Variants in HIVEP1 observed in about 807,000 individuals in gnomAD.
HIVEP1 encodes zinc finger protein 40.
In HIVEP1, 36 loss-of-function variants were observed where a neutral mutation model predicts 180.0. That is an observed-to-expected ratio of 0.20 (90% confidence interval 0.15 to 0.26). The LOEUF is 0.26. Among genes scored for constraint, HIVEP1 ranks in the 10% least tolerant of loss-of-function variants. HIVEP1 has a pLI of 1.00. For missense variants in HIVEP1, 3,143 were observed against 3,268.7 expected (o/e 0.96, Z 0.94); for synonymous variants, 1,239 against 1,239.0 (o/e 1.00, Z 0.00).
intron 3 of HIVEP1, among the ~76,000 whole-genome samples, chr6:12,113,844 T>C (rs1387106557): frequency 6.6e-6 from 1 of 152,206 alleles, no homozygotes; most frequent in Non-Finnish European, 1.5e-5. Flanking sequence ...CCACGAAACT[T>C]CTCCCAGGCA....
At chr6:12,096,567 T>G (rs1349808210) in intron 3 of HIVEP1, among the ~76,000 whole-genome samples, 1 of 151,760 alleles carries the variant, frequency 6.6e-6, no homozygotes, top group African/African-American at 2.4e-5. Context: ...TAAAAAAATA[T>G]AATAATATTT....
In HIVEP1 at chr6:12,039,996, C is replaced by T. The variant is rs553145623; in HGVS notation, c.40+24328C>T. On this transcript the variant is annotated intron_variant, in intron 2 of 8. Transcript: ENST00000379388. ...AGCAGTGGAGTCCCCAACTGTGGGG[C>T]GAGGATTCTGATGCTGGGCGGTCGA... Among the ~76,000 whole-genome samples, 8 of 152,210 alleles carry T rather than the reference C, an allele frequency of 5.3e-5. No homozygotes were observed. The South Asian group carries it at 6.2e-4, about 12-fold the overall frequency.
At chr6:12,033,075 C>A (rs1769059428) in intron 2 of HIVEP1, among the ~76,000 whole-genome samples, 1 of 152,174 alleles carries the variant, frequency 6.6e-6, no homozygotes, top group Non-Finnish European at 1.5e-5. Context: ...ACCCATACAA[C>A]CATTCTGTTT....
intron 2 of HIVEP1, among the ~76,000 whole-genome samples, chr6:12,021,587 CTCTTA>C (rs1346913901): frequency 6.6e-6 from 1 of 152,184 alleles, no homozygotes; most frequent in Non-Finnish European, 1.5e-5. Flanking sequence ...TTCTCCAGGT[CTCTTA>C]TCTTAGCGGG....
chr6:12,196,167 G>A, the HIVEP1 span, among the ~76,000 whole-genome samples: 2 of 152,146 alleles, frequency 1.3e-5, no homozygotes, highest in Non-Finnish European at 2.9e-5. Context: ...CCAGTGACTT[G>A]GAGAAAATAA....
the HIVEP1 span, among the ~76,000 whole-genome samples, chr6:12,172,389 A>T: frequency 6.6e-6 from 1 of 152,250 alleles, no homozygotes; most frequent in South Asian, 2.1e-4. Context: ...GAAATTAAGG[A>T]CCTAAATAAG....
At chr6:12,034,207 A>T (rs1401037296) in intron 2 of HIVEP1, among the ~76,000 whole-genome samples, 8 of 152,204 alleles carry the variant, frequency 5.3e-5, no homozygotes, top group Admixed American at 5.2e-4. Context: ...GTATGTATGC[A>T]TTTTGGTCTG....
chr6:12,026,166 A>G (rs542079476), intron 2 of HIVEP1, among the ~76,000 whole-genome samples: 1 of 152,346 alleles, frequency 6.6e-6, no homozygotes, highest in East Asian at 1.9e-4. Context: ...TAGAGTTTTT[A>G]ATACATTGTG....
At chr6:12,195,659 A>AAAATACATCT in the HIVEP1 span, among the ~76,000 whole-genome samples, 14 of 14,890 alleles carry the variant, frequency 9.4e-4, no homozygotes, top group African/African-American at 1.4e-3. Flanking sequence ...GCTGGCATAC[A>AAAATACATCT]GAATTTAACT....
At chr6:12,036,173 A>C in intron 2 of HIVEP1, among the ~76,000 whole-genome samples, 1 of 152,234 alleles carries the variant, frequency 6.6e-6, no homozygotes, top group East Asian at 1.9e-4. Flanking sequence ...TCCTAAGGAA[A>C]TAATTCAGCT....
chr6:12,167,895 T>C (rs1317915970), downstream of HIVEP1, among the ~76,000 whole-genome samples: 1 of 142,828 alleles, frequency 7.0e-6, no homozygotes, highest in Admixed American at 7.2e-5. Context: ...TAGATGTGCG[T>C]ATATAATATA....
At chr6:12,024,809 TC>T (rs1438318738) in intron 2 of HIVEP1, among the ~76,000 whole-genome samples, 1 of 152,222 alleles carries the variant, frequency 6.6e-6, no homozygotes, top group African/African-American at 2.4e-5. Flanking sequence ...ACCAAGGCTC[TC>T]CCTTGTGTTG....
intron 2 of HIVEP1, among the ~76,000 whole-genome samples, chr6:12,070,485 C>T (rs1279789365): frequency 2.6e-5 from 4 of 152,024 alleles, no homozygotes; most frequent in Admixed American, 1.3e-4. Flanking sequence ...GTTAGGAGTT[C>T]GAGACCAGTG....
At chr6:12,183,922 C>A in the HIVEP1 span, among the ~76,000 whole-genome samples, 1 of 151,732 alleles carries the variant, frequency 6.6e-6, no homozygotes, top group Non-Finnish European at 1.5e-5. Context: ...TTAAACTCAA[C>A]ATTATTTTAA....
intron 2 of HIVEP1, among the ~76,000 whole-genome samples, chr6:12,039,586 G>A (rs1371963890): frequency 6.6e-6 from 1 of 152,142 alleles, no homozygotes; most frequent in Admixed American, 6.5e-5. Context: ...TGGTTAGAAG[G>A]TCATAGCGTT....
intron 2 of HIVEP1, among the ~76,000 whole-genome samples, chr6:12,031,456 T>C (rs1465289830): frequency 6.6e-6 from 1 of 152,226 alleles, no homozygotes; most frequent in Non-Finnish European, 1.5e-5. Flanking sequence ...TTGCTTGCCC[T>C]CAGCAGGACC....
chr6:12,069,321 A>T (rs1771810630), intron 2 of HIVEP1, among the ~76,000 whole-genome samples: 2 of 152,116 alleles, frequency 1.3e-5, no homozygotes, highest in South Asian at 4.1e-4. Context: ...CCTGTATAGG[A>T]CACTTACCAT....
intron 1 of HIVEP1, among the ~76,000 whole-genome samples, chr6:12,013,335 G>C (rs960269497): frequency 6.6e-6 from 1 of 152,086 alleles, no homozygotes; most frequent in African/African-American, 2.4e-5. Flanking sequence ...CTTTTTGATC[G>C]TGTCATGTTT....
chr6:12,196,922 C>G, the HIVEP1 span, among the ~76,000 whole-genome samples: 3 of 152,044 alleles, frequency 2.0e-5, no homozygotes, highest in African/African-American at 7.3e-5. Flanking sequence ...TTACTTTATG[C>G]CAGAAACTGA....
Sources: allele counts gnomAD v4.1 joint callset (sites outside exome capture counted in the v4.1 genomes callset), GRCh38; gene constraint gnomAD v4.1.1; transcripts MANE v1.5; gene names NCBI Gene and HGNC (gene_info 2026-07-23, HGNC 2026-07-21).